FAN1: variants seen among roughly 807,000 people sequenced by gnomAD.
FAN1 encodes the protein fanconi-associated nuclease 1.
In FAN1, 91 loss-of-function variants were observed where a neutral mutation model predicts 104.9. The observed-to-expected ratio is 0.87, with a 90% confidence interval of 0.73 to 1.03. The LOEUF is 1.03. Ranked by LOEUF, FAN1 falls within the 50% of genes least tolerant of loss-of-function variation. The pLI is 0.00. For missense variants in FAN1, 1,263 were observed against 1,239.9 expected, an observed-to-expected ratio of 1.02 and a Z score of -0.28; for synonymous variants, 478 against 457.6, an observed-to-expected ratio of 1.04 and a Z score of -0.57.
At chr15:30,938,993 A>G (rs1665371800) in intron 14 of FAN1, 1 of 985,158 alleles carries the variant, frequency 1.0e-6, no homozygotes, top group Non-Finnish European at 1.2e-6. Context: ...CACATTCAAT[A>G]CTGTTGAACA....
chr15:30,936,692 A>C, intron 13 of FAN1, among the ~76,000 whole-genome samples: 1 of 152,202 alleles, frequency 6.6e-6, no homozygotes, highest in Non-Finnish European at 1.5e-5. Flanking sequence ...TATTTATCCC[A>C]CCAAACCTCA....
At chr15:30,933,929 T>A (rs1417677484) in intron 13 of FAN1, among the ~76,000 whole-genome samples, 2 of 152,022 alleles carry the variant, frequency 1.3e-5, no homozygotes, top group Non-Finnish European at 2.9e-5. Flanking sequence ...CCCAGCTGAT[T>A]TTTTTTATTT....
chr15:30,929,294 A>G lies in FAN1; in HGVS notation c.2684A>G (p.Glu895Gly), dbSNP rs1277881617. 1.2e-6 allele frequency: 2 copies of G among 1,613,036 alleles called. No individual in the cohort carries two copies. The highest frequency in any genetic ancestry group is 2.2e-5 in the East Asian group (1 of 44,784). The change falls in exon 12 of 15, where the codon GAG becomes GGG. Residue 895 changes from glutamate (E) to glycine (G), a missense_variant. Glu to Gly is a moderately conservative substitution (Grantham distance 98, BLOSUM62 -2). Transcript: ENST00000362065. ...CTGCAGCTGATTCATGATGCCCCCGAGGAGAGCCTGCGGGCCTGGGTGGCA... is the reference window on the plus strand; with the variant it reads ...CTGCAGCTGATTCATGATGCCCCCGGGGAGAGCCTGCGGGCCTGGGTGGCA... ...ARLQLIHDAP[E>G]ESLRAWVAAT...
chr15:30,914,625 C>T (rs375130525), intron 5 of FAN1, among the ~76,000 whole-genome samples: 295 of 152,308 alleles, frequency 1.9e-3, no homozygotes, highest in African/African-American at 6.7e-3. Context: ...CTTGGCCTCC[C>T]AAAGTGCTGG....
chr15:30,927,967 C>G lies in FAN1; in HGVS notation c.2489-586C>G, dbSNP rs933438031. On this transcript the variant is annotated intron_variant, in intron 10 of 14. Coordinates refer to ENST00000362065, the MANE Select transcript of FAN1 (RefSeq NM_014967.5). Reference sequence around the variant, plus strand: ...GAGGAGGGGCACTGAAGTGGGTGATCTTTAAGGCCAGATGTCTCTGTAAAA... The same window carrying G: ...GAGGAGGGGCACTGAAGTGGGTGATGTTTAAGGCCAGATGTCTCTGTAAAA... The G allele has an allele frequency of 3.4e-5, 34 of 985,676 alleles. No homozygotes were observed. In the Middle Eastern group the frequency reaches 2.1e-3, roughly 60 times the overall value. The allele number at this position is 985,676 out of a possible 1,614,324, so 61.1% of individuals were successfully genotyped here.
intron 10 of FAN1, chr15:30,927,675 G>A: frequency 1.0e-6 from 1 of 985,634 alleles, no homozygotes; most frequent in Non-Finnish European, 1.2e-6. Flanking sequence ...ATGGGGGTCT[G>A]GTGGTCAGCA....
intron 3 of FAN1, among the ~76,000 whole-genome samples, chr15:30,910,087 G>T (rs2062064810): frequency 6.6e-6 from 1 of 152,232 alleles, no homozygotes; most frequent in Non-Finnish European, 1.5e-5. Context: ...AGAAGGCACT[G>T]CCCTAAACTT....
intron 10 of FAN1, chr15:30,927,735 CCT>C: frequency 3.0e-6 from 3 of 985,724 alleles, no homozygotes; most frequent in Non-Finnish European, 3.6e-6. Flanking sequence ...GTGGCCTCCT[CCT>C]CTGTCGGGAG....
At chr15:30,940,634 C>T (rs543533583) in intron 14 of FAN1, 2 of 985,974 alleles carry the variant, frequency 2.0e-6, no homozygotes, top group African/African-American at 3.5e-5. Context: ...ACAGCATACA[C>T]CTCTGTGGAA....
At chr15:30,927,171 T>C in intron 10 of FAN1, 1 of 954,900 alleles carries the variant, frequency 1.0e-6, no homozygotes, top group Non-Finnish European at 1.2e-6. Flanking sequence ...ATTGTGCCAC[T>C]GCACTCCAGT....
intron 6 of FAN1, among the ~76,000 whole-genome samples, chr15:30,919,789 T>G (rs1269505937): frequency 6.6e-6 from 1 of 152,098 alleles, no homozygotes; most frequent in Non-Finnish European, 1.5e-5. Flanking sequence ...ATCCTTGTTG[T>G]CTTTACAGCA....
At chr15:30,930,160 C>T (rs950963346) in intron 12 of FAN1, among the ~76,000 whole-genome samples, 1 of 151,366 alleles carries the variant, frequency 6.6e-6, no homozygotes, top group African/African-American at 2.4e-5. Flanking sequence ...CCTGAGTTGA[C>T]AGCTTTCTTT....
chr15:30,911,421 A>G (rs2062098816), intron 4 of FAN1: 1 of 983,734 alleles, frequency 1.0e-6, no homozygotes. Flanking sequence ...ACACTTTAAC[A>G]TGATGTTGTT....
Position 30,933,836 on chromosome 15 carries a change from C to T in FAN1, c.2916+3165C>T, listed in dbSNP as rs538911057. Among the ~76,000 whole-genome samples, 3 of 152,138 alleles carry T rather than the reference C, an allele frequency of 2.0e-5. No homozygotes were observed. The South Asian group carries it at 6.2e-4, about 31-fold the overall frequency. On this transcript the variant is annotated intron_variant, in intron 13 of 14. Transcript: ENST00000362065. Reference sequence around the variant, plus strand: ...GTAGTGGCAGTGCGATCCTGGATCGCTGCAGCCTTGATCTCCCAGGCTCAA... The same window carrying T: ...GTAGTGGCAGTGCGATCCTGGATCGTTGCAGCCTTGATCTCCCAGGCTCAA...
chr15:30,928,474 T>C, intron 10 of FAN1, 79 bp from the exon 11 acceptor site: 1 of 1,573,904 alleles, frequency 6.4e-7, no homozygotes, highest in Non-Finnish European at 8.6e-7. Context: ...TAGGTTATGG[T>C]GGTGTTTTGG....
intron 12 of FAN1, 56 bp downstream of exon 12, chr15:30,929,453 CTG>C: frequency 1.4e-6 from 2 of 1,408,982 alleles, no homozygotes; most frequent in South Asian, 2.7e-5. Flanking sequence ...CGCCCCAGTG[CTG>C]TCTTTTCAGC....
At chr15:30,940,389 AGT>A in intron 14 of FAN1, 1 of 985,400 alleles carries the variant, frequency 1.0e-6, no homozygotes, top group Non-Finnish European at 1.2e-6. Flanking sequence ...TTCAAATGGC[AGT>A]GTTTTGAGAG....
intron 4 of FAN1, chr15:30,911,882 T>C (rs2062108067): frequency 1.2e-5 from 2 of 167,906 alleles, no homozygotes; most frequent in Admixed American, 6.5e-5. Flanking sequence ...GCCAATATGG[T>C]AAAACCCTGT....
intron 14 of FAN1, chr15:30,941,124 T>A: frequency 7.9e-7 from 1 of 1,264,774 alleles, no homozygotes; most frequent in Non-Finnish European, 1.0e-6. Flanking sequence ...AACTTTCCTG[T>A]TGTCTGCTGC....
Sources: allele counts gnomAD v4.1 joint callset (sites outside exome capture counted in the v4.1 genomes callset), GRCh38; gene constraint gnomAD v4.1.1; transcripts MANE v1.5; gene names NCBI Gene and HGNC (gene_info 2026-07-23, HGNC 2026-07-21).